UBP1: variants seen among roughly 807,000 people sequenced by gnomAD.
UBP1 encodes the protein upstream-binding protein 1.
A neutral mutation model predicts 76.1 loss-of-function variants in UBP1; 22 were observed. That is an observed-to-expected ratio of 0.29 (90% confidence interval 0.21 to 0.41). The LOEUF is 0.41. Among genes scored for constraint, UBP1 ranks in the 10% least tolerant of loss-of-function variants. The probability of loss-of-function intolerance (pLI) is 1.00; values close to 1 mark genes in which losing one functional copy is unlikely to be tolerated. For synonymous variants in UBP1, 224 were observed against 237.1 expected (o/e 0.94, Z 0.51); for missense variants, 436 against 668.1 (o/e 0.65, Z 3.83).
chr3:33,405,449 G>A (rs1315320034), intron 8 of UBP1, among the ~76,000 whole-genome samples: 4 of 152,186 alleles, frequency 2.6e-5, no homozygotes, highest in Non-Finnish European at 4.4e-5. Flanking sequence ...CTCCTTTGCA[G>A]CTATTTAAAT....
rs2043676777 is a variant in UBP1 at position 33,389,582 on chromosome 3, C to CT, written c.*748dup. 1 of 152,036 alleles carries CT rather than the reference C, an allele frequency of 6.6e-6. No individual in the cohort carries two copies. The highest frequency in any genetic ancestry group is 1.5e-5 in the Non-Finnish European group (1 of 67,996). 9.4% of individuals were successfully genotyped at this position (152,036 alleles called of 1,614,324 possible). A position where few individuals can be genotyped will look rare whatever the true frequency, so the allele number is the denominator to read the frequency against. ...AATCTCCAAAAATGAAAACCAGAAACTAAAATGCTAAAAATGGAAGCAGAA... is the reference window on the plus strand; with the variant it reads ...AATCTCCAAAAATGAAAACCAGAAACTTAAAATGCTAAAAATGGAAGCAGAA... On this transcript the variant is annotated 3_prime_UTR_variant, in exon 16 of 16. Coordinates refer to ENST00000283629, the MANE Select transcript of UBP1 (RefSeq NM_014517.5).
intron 5 of UBP1, among the ~76,000 whole-genome samples, chr3:33,410,829 TAGG>T (rs2044562644): frequency 6.6e-6 from 1 of 152,044 alleles, no homozygotes; most frequent in African/African-American, 2.4e-5. Flanking sequence ...CCCAGCACTT[TAGG>T]AGGACAAGGC....
intron 1 of UBP1, among the ~76,000 whole-genome samples, chr3:33,432,107 T>C (rs2045124310): frequency 6.6e-6 from 1 of 152,106 alleles, no homozygotes; most frequent in African/African-American, 2.4e-5. Flanking sequence ...ACAGGCGGAC[T>C]GCTTGAGCCC....
intron 2 of UBP1, among the ~76,000 whole-genome samples, chr3:33,424,777 G>A (rs1445315372): frequency 6.6e-6 from 1 of 152,182 alleles, no homozygotes; most frequent in Non-Finnish European, 1.5e-5. Flanking sequence ...CGGGTGCAAT[G>A]GCTCACGCCT....
chr3:33,439,646 C>A, intron 1 of UBP1, 90 bp downstream of exon 1: 2 of 1,448,118 alleles, frequency 1.4e-6, no homozygotes, highest in East Asian at 5.0e-5. Flanking sequence ...CCGCGCACCT[C>A]TGGGAGCAGC....
In UBP1 at chr3:33,440,241, G is replaced by A. The variant is rs2045271755; in HGVS notation, c.-393C>T. 1.3e-5 allele frequency: 2 copies of A among 155,460 alleles called. No individual in the cohort carries two copies. The highest frequency in any genetic ancestry group is 1.8e-4 in the South Asian group (1 of 5,428). 9.6% of individuals were successfully genotyped at this position (155,460 alleles called of 1,614,324 possible). A position where few individuals can be genotyped will look rare whatever the true frequency, so the allele number is the denominator to read the frequency against. On this transcript the variant is annotated 5_prime_UTR_variant, in exon 1 of 16. Coordinates refer to ENST00000283629, the MANE Select transcript of UBP1 (RefSeq NM_014517.5). ...CGGGCCGCTCCGAGGACCACACGGG[G>A]GCAAGCCCTCCGCCCGCCCGTCACC...
At chr3:33,406,913 A>T (rs758627259) in intron 8 of UBP1, among the ~76,000 whole-genome samples, 2 of 152,236 alleles carry the variant, frequency 1.3e-5, no homozygotes, top group Non-Finnish European at 2.9e-5. Context: ...GGTAACCAAC[A>T]GTAGTGACTA....
Position 33,432,204 on chromosome 3 carries a change from A to G in UBP1, c.114-6463T>C, listed in dbSNP as rs527702160. ...CCAGGCATGGTGGCGCATACTCATAAACTCAGCTACTAGGGAGGCAGAGGT... is the reference window on the plus strand; with the variant it reads ...CCAGGCATGGTGGCGCATACTCATAGACTCAGCTACTAGGGAGGCAGAGGT... On this transcript the variant is annotated intron_variant, in intron 1 of 15. Transcript: ENST00000283629. Among the ~76,000 whole-genome samples the G allele has an allele frequency of 3.3e-4, 49 of 148,968 alleles. 1 individual carries two copies. Among genetic ancestry groups the G allele is most frequent in the Middle Eastern group, 6.8e-3 (2 of 292 alleles).
chr3:33,409,386 GAC>G, intron 6 of UBP1, 40 bp from the exon 7 acceptor site: 1 of 1,613,886 alleles, frequency 6.2e-7, no homozygotes, highest in African/African-American at 1.3e-5. Flanking sequence ...TCAGGCTGCA[GAC>G]ACACAGCTTT....
intron 2 of UBP1, among the ~76,000 whole-genome samples, chr3:33,417,823 T>C (rs1252160920): frequency 6.6e-6 from 1 of 152,208 alleles, no homozygotes; most frequent in Non-Finnish European, 1.5e-5. Flanking sequence ...ACCTTGTCCA[T>C]ACTCCCAGGG....
chr3:33,411,795 C>CT lies in UBP1; in HGVS notation c.449-109dup. On this transcript the variant is annotated intron_variant, in intron 4 of 15. Transcript: ENST00000283629. ...GAAATAACTGTAACTGCTTTGAACT[C>CT]TGTCTTTCAATGGTCTCCATGATCA... 5.8e-6 allele frequency: 5 copies of CT among 868,480 alleles called. No individual in the cohort carries two copies. The South Asian group carries it at 6.3e-5, about 11-fold the overall frequency. 53.8% of individuals were successfully genotyped at this position (868,480 alleles called of 1,614,324 possible).
Position 33,393,460 on chromosome 3 carries a change from ATT to A in UBP1, c.1391-8_1391-7del. ...CAAGTAGATTGCATGATAAACTGAA[ATT>A]AAAAAAAAAAAAAGAAAAGCATTTT... On this transcript the variant is annotated splice_polypyrimidine_tract_variant and splice_region_variant and intron_variant, in intron 13 of 15. Transcript: ENST00000283629. 1.9e-6 allele frequency: 3 copies of A among 1,589,948 alleles called. No individual in the cohort carries two copies. The highest frequency in any genetic ancestry group is 1.7e-4 in the Middle Eastern group (1 of 5,904).
chr3:33,439,017 A>G (rs1338219529), intron 1 of UBP1, among the ~76,000 whole-genome samples: 1 of 152,224 alleles, frequency 6.6e-6, no homozygotes, highest in Non-Finnish European at 1.5e-5. Context: ...CTAACAGTTA[A>G]AAAGGATAAA....
At position 33,416,941 on chromosome 3, in the gene UBP1, T is replaced by G. The variant is rs915585070; in HGVS notation, c.266-107A>C. 4.2e-6 allele frequency: 4 copies of G among 941,964 alleles called. No individual in the cohort carries two copies. The African/African-American group carries it at 6.7e-5, about 16-fold the overall frequency. The allele number at this position is 941,964 out of a possible 1,614,324, so 58.4% of individuals were successfully genotyped here. On this transcript the variant is annotated intron_variant, in intron 2 of 15. Transcript: ENST00000283629. ...CAGAACATACATTACACAATGATAG[T>G]TTGTTAATTTGCTACGGAAGCAAAT...
chr3:33,436,622 C>T (rs1188842190), intron 1 of UBP1, among the ~76,000 whole-genome samples: 1 of 152,046 alleles, frequency 6.6e-6, no homozygotes, highest in Non-Finnish European at 1.5e-5. Flanking sequence ...ATATTGAGCC[C>T]CCAAATCCTA....
chr3:33,425,740 C>T lies in UBP1; in HGVS notation c.115G>A (p.Asp39Asn). 3.2e-6 allele frequency: 5 copies of T among 1,572,306 alleles called. No individual in the cohort carries two copies. The highest frequency in any genetic ancestry group is 4.4e-6 in the Non-Finnish European group (5 of 1,148,040). Residue 39 changes from aspartate (D) to asparagine (N), a missense_variant and splice_region_variant, in exon 2 of 16, where the codon GAT becomes AAT. Physicochemically the swap from Asp to Asn is conservative, Grantham distance 23 (BLOSUM62 1). This residue lies in a region of UBP1 where 161 missense variants were observed against 237.9 expected (regional missense o/e 0.68). Transcript: ENST00000283629. ...ELGAGAYSMS[D>N]VLALPIFKQE... ...TTGAAAATGGGCAATGCCAAGACAT[C>T]ACTGAAAAGCAAAAAATCAACACTG... is the stretch of plus-strand genomic sequence containing the variant.
Position 33,396,217 on chromosome 3 carries a change from T to C in UBP1, c.1335A>G (p.Gln445=). ...CACTGCTTGCAGCTTGCTGCTGCCC[T>C]TGCAGCACTGTGCTGCTTGGCTGCT... is the stretch of plus-strand genomic sequence containing the variant. The part of the protein sequence containing the change: ...CREQPSSTVL[Q]GQQQAASSAS... The change falls in exon 13 of 16, where the codon CAA becomes CAG. Residue 445 remains glutamine (Q), a synonymous_variant. Coordinates refer to ENST00000283629, the MANE Select transcript of UBP1 (RefSeq NM_014517.5). 6.3e-7 allele frequency: 1 copy of C among 1,596,874 alleles called. No individual in the cohort carries two copies. The highest frequency in any genetic ancestry group is 1.3e-5 in the African/African-American group (1 of 74,808).
chr3:33,430,706 G>A (rs748184150), intron 1 of UBP1, among the ~76,000 whole-genome samples: 6 of 152,120 alleles, frequency 3.9e-5, no homozygotes, highest in Admixed American at 1.3e-4. Context: ...TTGAAAGAGC[G>A]GGAAAGGGAA....
chr3:33,399,572 T>C (rs1275357090), intron 11 of UBP1, among the ~76,000 whole-genome samples: 6 of 152,160 alleles, frequency 3.9e-5, no homozygotes, highest in African/African-American at 1.4e-4. Flanking sequence ...TACTATATGA[T>C]TGCATTTATA....
Sources: allele counts gnomAD v4.1 joint callset (sites outside exome capture counted in the v4.1 genomes callset), GRCh38; gene constraint gnomAD v4.1.1; regional missense constraint gnomAD v4.1.1; transcripts MANE v1.5; gene names NCBI Gene and HGNC (gene_info 2026-07-23, HGNC 2026-07-21).